The following TENM3 variants were observed in gnomAD, a reference collection of about 807,000 sequenced individuals.
TENM3 encodes teneurin transmembrane protein 3, also known as teneurin-3.
Under a neutral mutation model 255.1 loss-of-function variants are expected in TENM3, and 63 were observed. That is an observed-to-expected ratio of 0.25 (90% CI 0.20 to 0.30). TENM3 has a LOEUF of 0.30. TENM3 is among the 10% of genes least tolerant of loss of function. The probability of loss-of-function intolerance (pLI) is 1.00; values close to 1 mark genes in which losing one functional copy is unlikely to be tolerated. For synonymous variants in TENM3, 1,306 were observed against 1,322.3 expected, an observed-to-expected ratio of 0.99 and a Z score of 0.27; for missense variants, 2,929 against 3,461.1, an observed-to-expected ratio of 0.85 and a Z score of 3.86.
At chr4:182,298,441 A>G (rs938176127) in intron 1 of TENM3, among the ~76,000 whole-genome samples, 1 of 152,212 alleles carries the variant, frequency 6.6e-6, no homozygotes, top group African/African-American at 2.4e-5. Context: ...CCCCACCTAC[A>G]GTGGGGAACT....
chr4:182,555,427 A>G (rs535725122), intron 3 of TENM3, among the ~76,000 whole-genome samples: 1 of 152,340 alleles, frequency 6.6e-6, no homozygotes, highest in South Asian at 2.1e-4. Context: ...GCCTAGAAGT[A>G]GCAGTGGATG....
At chr4:182,154,388 A>G (rs1412676827) in intron 1 of TENM3, among the ~76,000 whole-genome samples, 2 of 152,132 alleles carry the variant, frequency 1.3e-5, no homozygotes, top group Admixed American at 1.3e-4. Context: ...CTGTTACACA[A>G]TAGTTTTATC....
At chr4:182,288,083 G>A (rs112080657) in intron 1 of TENM3, among the ~76,000 whole-genome samples, 7,634 of 151,918 alleles carry the variant, frequency 0.05, 301 homozygotes, top group African/African-American at 0.11. Flanking sequence ...GATTACAGGC[G>A]TGCACCACCA....
At chr4:182,713,941 T>A (rs886711501) in intron 12 of TENM3, 146 bp from the exon 13 acceptor site, 1 of 628,722 alleles carries the variant, frequency 1.6e-6, no homozygotes, top group Non-Finnish European at 2.8e-6. Context: ...ATTCCATAGA[T>A]AACGTTGCTG....
chr4:181,845,085 T>C, the TENM3 span, among the ~76,000 whole-genome samples: 1 of 152,266 alleles, frequency 6.6e-6, no homozygotes, highest in Admixed American at 6.5e-5. Flanking sequence ...GTCTACTTTG[T>C]TTCTAAATTT....
chr4:181,930,550 A>G, the TENM3 span, among the ~76,000 whole-genome samples: 1 of 152,228 alleles, frequency 6.6e-6, no homozygotes, highest in Admixed American at 6.5e-5. Flanking sequence ...CAAAAAGCCC[A>G]GGACCAGATG....
intron 7 of TENM3, among the ~76,000 whole-genome samples, chr4:182,679,068 G>GA (rs2152563289): frequency 1.3e-5 from 2 of 152,220 alleles, no homozygotes; most frequent in South Asian, 2.1e-4. Context: ...AGGGTGTCAG[G>GA]GGCTAGGGGA....
At chr4:182,248,802 T>C (rs112932836) in intron 1 of TENM3, among the ~76,000 whole-genome samples, 100 of 152,320 alleles carry the variant, frequency 6.6e-4, no homozygotes, top group African/African-American at 2.3e-3. Context: ...GAGTTCCTCA[T>C]AACTACCAAA....
At chr4:182,448,046 G>A (rs970625736) in intron 3 of TENM3, among the ~76,000 whole-genome samples, 46 of 152,246 alleles carry the variant, frequency 3.0e-4, no homozygotes, top group African/African-American at 8.9e-4. Context: ...GAGCTATTCC[G>A]GATCAGGGCT....
At chr4:181,943,176 G>A in the TENM3 span, among the ~76,000 whole-genome samples, 6 of 152,094 alleles carry the variant, frequency 3.9e-5, no homozygotes, top group African/African-American at 7.2e-5. Context: ...CCTGGATCCC[G>A]GGTAGATTGT....
the TENM3 span, among the ~76,000 whole-genome samples, chr4:181,928,241 G>T: frequency 6.6e-6 from 1 of 151,900 alleles, no homozygotes; most frequent in Non-Finnish European, 1.5e-5. Context: ...CTGAGCTAAA[G>T]GACTATGTTC....
the TENM3 span, among the ~76,000 whole-genome samples, chr4:181,453,183 T>C: frequency 6.6e-6 from 1 of 151,576 alleles, no homozygotes; most frequent in Non-Finnish European, 1.5e-5. Flanking sequence ...GACAAGGGAG[T>C]GATTGACAAA....
chr4:182,100,690 TATAC>T, the TENM3 span, among the ~76,000 whole-genome samples: 6 of 55,300 alleles, frequency 1.1e-4, no homozygotes, highest in East Asian at 1.3e-3. Context: ...CACACATATA[TATAC>T]ACACATATAT....
intron 1 of TENM3, among the ~76,000 whole-genome samples, chr4:182,205,899 G>A (rs1056731008): frequency 6.6e-6 from 1 of 151,974 alleles, no homozygotes; most frequent in Non-Finnish European, 1.5e-5. Flanking sequence ...TTAAGCCAGC[G>A]GACAATTAAT....
At chr4:182,618,512 C>A (rs1217001561) in intron 4 of TENM3, among the ~76,000 whole-genome samples, 1 of 151,414 alleles carries the variant, frequency 6.6e-6, no homozygotes, top group African/African-American at 2.4e-5. Flanking sequence ...ATTATCTTGC[C>A]ACTAAAAATC....
chr4:182,398,323 G>A (rs1361593476), intron 3 of TENM3, among the ~76,000 whole-genome samples: 1 of 152,098 alleles, frequency 6.6e-6, no homozygotes, highest in East Asian at 1.9e-4. Flanking sequence ...AGAATGTAAG[G>A]ACAAGGGGAC....
At chr4:182,241,598 C>A (rs990836973), upstream of TENM3, among the ~76,000 whole-genome samples, 4 of 147,868 alleles carry the variant, frequency 2.7e-5, no homozygotes, top group South Asian at 2.1e-4. Flanking sequence ...ACTGCAACCT[C>A]CGCCTCTCAG....
the TENM3 span, among the ~76,000 whole-genome samples, chr4:181,567,156 A>G: frequency 6.0e-3 from 921 of 152,324 alleles, 9 homozygotes; most frequent in African/African-American, 0.021. Context: ...AGGTATTATC[A>G]AAGCCTGTGG....
intron 3 of TENM3, among the ~76,000 whole-genome samples, chr4:182,600,253 T>A (rs1747697954): frequency 6.6e-6 from 1 of 152,236 alleles, no homozygotes; most frequent in Admixed American, 6.5e-5. Flanking sequence ...TGACGGTCAT[T>A]AAGTATATGA....
Sources: gnomAD v4.1 joint callset for allele counts (sites outside exome capture counted in the v4.1 genomes callset) on GRCh38, gnomAD v4.1.1 for gene constraint, MANE v1.5 for transcripts, NCBI Gene and HGNC (gene_info 2026-07-23, HGNC 2026-07-21) for gene names.